The following GNG7 variants were observed in gnomAD, a reference collection of about 807,000 sequenced individuals.
The protein encoded by GNG7 is G protein subunit gamma 7, also known as guanine nucleotide-binding protein G(I)/G(S)/G(O) subunit gamma-7.
A neutral mutation model predicts 4.0 loss-of-function variants in GNG7; 1 was observed. The observed-to-expected ratio is 0.25, with a 90% CI of 0.09 to 1.18. The LOEUF is 1.18. Among genes scored for constraint, GNG7 ranks in the 50% most tolerant of loss-of-function variants. The probability of loss-of-function intolerance (pLI) is 0.50; values close to 1 mark genes in which losing one functional copy is unlikely to be tolerated. For missense variants in GNG7, 86 were observed against 91.9 expected (o/e 0.94, Z 0.26); for synonymous variants, 34 against 36.9 (o/e 0.92, Z 0.29).
chr19:2,574,539 C>G (rs80002658), intron 2 of GNG7, among the ~76,000 whole-genome samples: 1 of 152,222 alleles, frequency 6.6e-6, no homozygotes, highest in African/African-American at 2.4e-5. Context: ...GGTTCATCCA[C>G]GCTGTAGCCC....
At position 2,616,728 on chromosome 19, in the gene GNG7, C is replaced by T. The variant is rs781011029; in HGVS notation, c.-78+29496G>A. Among the ~76,000 whole-genome samples, 4 of 151,802 alleles carry T rather than the reference C, an allele frequency of 2.6e-5. No individual in the cohort carries two copies. The East Asian group carries it at 7.8e-4, about 30-fold the overall frequency. ...GCAGAGGTTGCAGGTTGCAGTGAGC[C>T]GAGATCACGCCATCGCACTCCAGCC... On this transcript the variant is annotated intron_variant, in intron 2 of 4. Transcript: ENST00000382159.
chr19:2,691,247 A>G (rs1913128771), intron 1 of GNG7, among the ~76,000 whole-genome samples: 1 of 152,340 alleles, frequency 6.6e-6, no homozygotes, highest in South Asian at 2.1e-4. Context: ...TCATAAAATC[A>G]TTAGAAATGG....
chr19:2,661,245 AAAAG>A (rs368412587), intron 1 of GNG7, among the ~76,000 whole-genome samples: 23,063 of 93,588 alleles, frequency 0.25, 4,230 homozygotes, highest in East Asian at 0.45. Flanking sequence ...AGAAAGAAAG[AAAAG>A]AAAGAAAGAA....
intron 1 of GNG7, among the ~76,000 whole-genome samples, chr19:2,702,177 C>G (rs1393996500): frequency 2.1e-5 from 3 of 142,160 alleles, no homozygotes. Context: ...TCACCCCCAG[C>G]CCCCTCCTCA....
At chr19:2,631,813 G>A (rs906229535) in intron 2 of GNG7, 2 of 152,262 alleles carry the variant, frequency 1.3e-5, no homozygotes, top group African/African-American at 4.8e-5. Flanking sequence ...GACTTGGCCT[G>A]GGGGCCACAG....
chr19:2,571,567 ACTTTT>A (rs942770730), intron 2 of GNG7, among the ~76,000 whole-genome samples: 8 of 134,250 alleles, frequency 6.0e-5, no homozygotes, highest in Admixed American at 5.3e-4. Context: ...ATGTGTGGTC[ACTTTT>A]CTTTTCATTT....
At chr19:2,683,912 C>T (rs1254103733) in intron 1 of GNG7, among the ~76,000 whole-genome samples, 12 of 152,136 alleles carry the variant, frequency 7.9e-5, no homozygotes, top group Non-Finnish European at 1.3e-4. Context: ...ACAGCATCGG[C>T]CAGAGGAGCT....
intron 2 of GNG7, among the ~76,000 whole-genome samples, chr19:2,593,852 A>T (rs1487862453): frequency 7.4e-6 from 1 of 135,432 alleles, no homozygotes; most frequent in African/African-American, 2.8e-5. Context: ...TTTCAATGTT[A>T]TATATGTTTT....
chr19:2,542,064 A>C lies in GNG7; in HGVS notation c.-38+13085T>G, dbSNP rs573183971. On this transcript the variant is annotated intron_variant, in intron 3 of 4. Coordinates refer to ENST00000382159, the MANE Select transcript of GNG7 (RefSeq NM_052847.3). ...AAAGAGCTCCCTGTGGCAGGTGCAC[A>C]GTCGGGCCTTGGCTAGGCTCATGGG... Among the ~76,000 whole-genome samples, 4 of 148,390 alleles carry C rather than the reference A, an allele frequency of 2.7e-5. No individual in the cohort carries two copies. The East Asian group carries it at 7.9e-4, about 29-fold the overall frequency.
Position 2,557,228 on chromosome 19 carries a change from C to T in GNG7, c.-77-2040G>A, listed in dbSNP as rs576636906. Among the ~76,000 whole-genome samples the T allele has an allele frequency of 2.7e-5, 4 of 150,690 alleles. No homozygotes were observed. The highest frequency in any genetic ancestry group is 9.9e-5 in the African/African-American group (4 of 40,422). On this transcript the variant is annotated intron_variant, in intron 2 of 4. Transcript: ENST00000382159. The surrounding 1 kb of genome is among the most constrained non-coding windows in gnomAD (Gnocchi z 5.1). ...GCATGCACACACAGACACACATGCA[C>T]ACACAGACGCACATGTGCACACACA... is the stretch of plus-strand genomic sequence containing the variant.
rs1981572547 is a variant in GNG7, at chr19:2,611,718, C to T, written c.-78+34506G>A. On this transcript the variant is annotated intron_variant, in intron 2 of 4. Transcript: ENST00000382159. This position sits in a 1 kb window ranked among gnomAD's most constrained non-coding sequence, Gnocchi z 6.0. ...GGGCATGCTGGCGGGCGCCTGTAATCCCATCTACTCAGGAGACCGAGGCAG... is the reference window on the plus strand; with the variant it reads ...GGGCATGCTGGCGGGCGCCTGTAATTCCATCTACTCAGGAGACCGAGGCAG... The T allele has an allele frequency of 6.6e-6, 1 of 152,078 alleles. No homozygotes were observed. The highest frequency in any genetic ancestry group is 2.4e-5 in the African/African-American group (1 of 41,420). The allele number at this position is 152,078 out of a possible 1,614,324, so 9.4% of individuals were successfully genotyped here. A position where few individuals can be genotyped will look rare whatever the true frequency, so the allele number is the denominator to read the frequency against.
chr19:2,512,038 G>C lies in GNG7; in HGVS notation c.*2984C>G. 1.0e-6 allele frequency: 1 copy of C among 985,890 alleles called. No homozygotes were observed. Among genetic ancestry groups the C allele is most frequent in the Non-Finnish European group, 1.2e-6 (1 of 829,964 alleles). The allele number at this position is 985,890 out of a possible 1,614,324, so 61.1% of individuals were successfully genotyped here. On this transcript the variant is annotated 3_prime_UTR_variant, in exon 5 of 5. Coordinates refer to ENST00000382159, the MANE Select transcript of GNG7 (RefSeq NM_052847.3). This position sits in a 1 kb window ranked among gnomAD's most constrained non-coding sequence, Gnocchi z 4.7. Reference sequence around the variant, plus strand: ...AGGCCCGTGGGAGACCCAGGCTACAGAAGGAGAAACGGCCTTCTCTCTCCC... The same window carrying C: ...AGGCCCGTGGGAGACCCAGGCTACACAAGGAGAAACGGCCTTCTCTCTCCC...
chr19:2,573,021 T>C (rs1980196603), intron 2 of GNG7, among the ~76,000 whole-genome samples: 1 of 120,146 alleles, frequency 8.3e-6, no homozygotes, highest in African/African-American at 3.7e-5. Flanking sequence ...AATTTCTCCT[T>C]TTTTTTTTTT....
At chr19:2,656,889 G>C (rs1042042733) in intron 1 of GNG7, among the ~76,000 whole-genome samples, 1 of 152,056 alleles carries the variant, frequency 6.6e-6, no homozygotes, top group African/African-American at 2.4e-5. Context: ...CCAGAAACGA[G>C]TAAGTCCTAA....
chr19:2,588,463 T>A (rs1980741538), intron 2 of GNG7, among the ~76,000 whole-genome samples: 1 of 152,194 alleles, frequency 6.6e-6, no homozygotes, highest in Non-Finnish European at 1.5e-5. Flanking sequence ...AGTCAACAGC[T>A]GGTGAATCGC....
chr19:2,520,166 G>C (rs1978300130), intron 4 of GNG7, among the ~76,000 whole-genome samples: 2 of 152,232 alleles, frequency 1.3e-5, no homozygotes, highest in South Asian at 4.1e-4. Flanking sequence ...GGGTGACAGA[G>C]CAAGACTCCG....
chr19:2,589,467 G>A (rs776243138), intron 2 of GNG7, among the ~76,000 whole-genome samples: 2 of 143,384 alleles, frequency 1.4e-5, no homozygotes, highest in East Asian at 2.2e-4. Context: ...TGATCCGTCC[G>A]CCTTGGCCTC....
At chr19:2,628,680 C>G (rs909335894) in intron 2 of GNG7, among the ~76,000 whole-genome samples, 3 of 150,070 alleles carry the variant, frequency 2.0e-5, no homozygotes, top group African/African-American at 2.5e-5. Context: ...CAGCTCCCCT[C>G]TTCCCTCCCC....
At chr19:2,534,777 T>C (rs1435360486) in intron 3 of GNG7, among the ~76,000 whole-genome samples, 2 of 152,232 alleles carry the variant, frequency 1.3e-5, no homozygotes, top group Non-Finnish European at 2.9e-5. Context: ...GCCAGCAGGC[T>C]TGAGACCCAA....
Sources: gnomAD v4.1 joint callset for allele counts (sites outside exome capture counted in the v4.1 genomes callset) on GRCh38, gnomAD v4.1.1 for gene constraint, Gnocchi (gnomAD v3.1) non-coding constraint, MANE v1.5 for transcripts, NCBI Gene and HGNC (gene_info 2026-07-23, HGNC 2026-07-21) for gene names.